Variants in AMBRA1 observed in about 807,000 individuals in gnomAD.
The protein encoded by AMBRA1 is autophagy and beclin 1 regulator 1, also known as activating molecule in BECN1-regulated autophagy protein 1.
AMBRA1 carries 47 observed loss-of-function variants against 125.4 expected under a neutral mutation model. The ratio of observed to expected loss-of-function variants is 0.37; its 90% CI spans 0.30 to 0.48. AMBRA1 has a LOEUF of 0.48. AMBRA1 is among the 20% of genes least tolerant of loss of function. The probability of loss-of-function intolerance (pLI) is 0.99; values close to 1 mark genes in which losing one functional copy is unlikely to be tolerated. For missense variants in AMBRA1, 1,331 were observed against 1,693.4 expected (o/e 0.79, Z 3.76); for synonymous variants, 626 against 655.5 (o/e 0.95, Z 0.69).
intron 11 of AMBRA1, among the ~76,000 whole-genome samples, chr11:46,452,263 C>T (rs1317361204): frequency 6.6e-6 from 1 of 152,132 alleles, no homozygotes; most frequent in Non-Finnish European, 1.5e-5. Flanking sequence ...TGTTTACCAG[C>T]TCACTGTGTA....
At chr11:46,407,652 C>T (rs1042025238) in intron 17 of AMBRA1, among the ~76,000 whole-genome samples, 12 of 152,348 alleles carry the variant, frequency 7.9e-5, no homozygotes, top group African/African-American at 2.9e-4. Context: ...GCATCGCAAG[C>T]GACCACGCAA....
rs756139255 is a variant in AMBRA1 at position 46,494,463 on chromosome 11, G to A, written c.2340-259C>T. The A allele has an allele frequency of 1.6e-4, 58 of 371,970 alleles. 1 individual carries two copies. Among genetic ancestry groups the A allele is most frequent in the Non-Finnish European group, 2.4e-4 (47 of 199,222 alleles). The allele number at this position is 371,970 out of a possible 1,614,324, so 23.0% of individuals were successfully genotyped here. ...TCTTGAGTTAATGTGGTCCCTTAGC[G>A]TCTCAAACTGAAGCCACATTTAGAT... On this transcript the variant is annotated intron_variant, in intron 9 of 17. Transcript: ENST00000683756.
At chr11:46,587,148 G>A (rs1043174623) in intron 1 of AMBRA1, among the ~76,000 whole-genome samples, 1 of 152,178 alleles carries the variant, frequency 6.6e-6, no homozygotes, top group African/African-American at 2.4e-5. Context: ...GGGAGGCCAA[G>A]GTGGGCAGAT....
At chr11:46,585,665 CAAAAAAAAA>C (rs1157368065) in intron 1 of AMBRA1, among the ~76,000 whole-genome samples, 1 of 7,600 alleles carries the variant, frequency 1.3e-4, no homozygotes, top group Admixed American at 3.9e-3. Context: ...GACTCCATCT[CAAAAAAAAA>C]AAAAAAAAAA....
chr11:46,427,091 A>G (rs978372038), intron 14 of AMBRA1, among the ~76,000 whole-genome samples: 1 of 150,960 alleles, frequency 6.6e-6, no homozygotes, highest in African/African-American at 2.5e-5. Context: ...TATAAGTTCA[A>G]TTCAAGGGCA....
intron 11 of AMBRA1, among the ~76,000 whole-genome samples, chr11:46,481,424 G>A (rs1314696319): frequency 6.6e-6 from 1 of 152,018 alleles, no homozygotes; most frequent in African/African-American, 2.4e-5. Context: ...TTTTGCTCTT[G>A]TTGAGCTCAG....
At chr11:46,493,011 T>C (rs1326463607) in intron 11 of AMBRA1, among the ~76,000 whole-genome samples, 1 of 152,206 alleles carries the variant, frequency 6.6e-6, no homozygotes, top group Non-Finnish European at 1.5e-5. Context: ...ATCGTGCCAC[T>C]GCACTCCAGC....
chr11:46,472,361 A>G (rs1949633605), intron 11 of AMBRA1, among the ~76,000 whole-genome samples: 2 of 152,224 alleles, frequency 1.3e-5, no homozygotes, highest in Non-Finnish European at 2.9e-5. Context: ...TGTCTCAAGT[A>G]GTTCAGCTAC....
chr11:46,445,832 C>G (rs77191199), intron 11 of AMBRA1, among the ~76,000 whole-genome samples: 1 of 152,090 alleles, frequency 6.6e-6, no homozygotes, highest in Non-Finnish European at 1.5e-5. Context: ...ACATGATGAA[C>G]AAAATGCTAG....
intron 11 of AMBRA1, among the ~76,000 whole-genome samples, chr11:46,473,233 G>A (rs1447235864): frequency 6.6e-6 from 1 of 152,230 alleles, no homozygotes; most frequent in African/African-American, 2.4e-5. Context: ...TATCATGTCA[G>A]CATGACAGCC....
intron 1 of AMBRA1, among the ~76,000 whole-genome samples, chr11:46,582,017 G>C (rs372945300): frequency 1.3e-5 from 2 of 151,060 alleles, no homozygotes; most frequent in East Asian, 3.9e-4. Flanking sequence ...TTGGGAAGCC[G>C]AGGTGGGAGG....
intron 14 of AMBRA1, among the ~76,000 whole-genome samples, chr11:46,423,757 ATTTTTTTTTTTT>A (rs538298573): frequency 1.0e-5 from 1 of 98,904 alleles, no homozygotes; most frequent in Admixed American, 1.1e-4. Flanking sequence ...CAGTGCACCC[ATTTTTTTTTTTT>A]TTTTTTTTTT....
chr11:46,591,861 A>AAC (rs1001992948), intron 1 of AMBRA1, among the ~76,000 whole-genome samples: 3 of 151,828 alleles, frequency 2.0e-5, no homozygotes, highest in African/African-American at 7.3e-5. Flanking sequence ...CGTCTCAAAA[A>AAC]ACACACACAC....
chr11:46,459,655 G>A (rs1466879511), intron 11 of AMBRA1, among the ~76,000 whole-genome samples: 3 of 150,902 alleles, frequency 2.0e-5, no homozygotes, highest in Non-Finnish European at 4.4e-5. Context: ...AGGTTGCAAT[G>A]AGCTGAGATC....
intron 16 of AMBRA1, 104 bp from the exon 17 acceptor site, chr11:46,408,810 C>T (rs1354689877): frequency 1.0e-5 from 12 of 1,146,918 alleles, no homozygotes; most frequent in Non-Finnish European, 1.4e-5. Flanking sequence ...TGGGCCAGGC[C>T]CTGCAGGCTA....
At chr11:46,476,022 T>C (rs576375728) in intron 11 of AMBRA1, among the ~76,000 whole-genome samples, 21 of 152,270 alleles carry the variant, frequency 1.4e-4, no homozygotes, top group East Asian at 9.6e-4. Context: ...CTCTTCCATA[T>C]AGGGGAGACA....
chr11:46,517,470 G>GTTTTTT (rs768814141), intron 7 of AMBRA1, among the ~76,000 whole-genome samples: 9 of 96,184 alleles, frequency 9.4e-5, no homozygotes, highest in East Asian at 3.5e-4. Context: ...TATTAATAAG[G>GTTTTTT]TTTTTTTTTT....
intron 11 of AMBRA1, among the ~76,000 whole-genome samples, chr11:46,484,073 G>A (rs1950176238): frequency 6.6e-6 from 1 of 152,172 alleles, no homozygotes; most frequent in South Asian, 2.1e-4. Flanking sequence ...GGGCTATTGA[G>A]GTGAGTCCCT....
intron 1 of AMBRA1, among the ~76,000 whole-genome samples, chr11:46,562,992 T>G (rs972866088): frequency 6.6e-6 from 1 of 152,074 alleles, no homozygotes; most frequent in Non-Finnish European, 1.5e-5. Context: ...GAAACAGGGT[T>G]TCACCATGTT....
Sources: gnomAD v4.1 joint callset for allele counts (sites outside exome capture counted in the v4.1 genomes callset) on GRCh38, gnomAD v4.1.1 for gene constraint, MANE v1.5 for transcripts, NCBI Gene and HGNC (gene_info 2026-07-23, HGNC 2026-07-21) for gene names.